RETREG3: variants seen among roughly 807,000 people sequenced by gnomAD.
RETREG3 encodes the protein reticulophagy regulator 3.
In RETREG3, 23 loss-of-function variants were observed where a neutral mutation model predicts 50.2. That is an observed-to-expected ratio of 0.46 (90% CI 0.33 to 0.65). The LOEUF is 0.65. Among genes scored for constraint, RETREG3 ranks in the 30% least tolerant of loss-of-function variants. RETREG3 has a pLI of 0.02. For missense variants in RETREG3, 546 were observed against 598.0 expected, an observed-to-expected ratio of 0.91 and a Z score of 0.91; for synonymous variants, 240 against 234.4, an observed-to-expected ratio of 1.02 and a Z score of -0.22.
At chr17:42,587,643 AG>A (rs1567921818) in intron 3 of RETREG3, 190 bp downstream of exon 3, 7 of 611,678 alleles carry the variant, frequency 1.1e-5, no homozygotes, top group Admixed American at 5.7e-5. Context: ...TCTCTTGTAA[AG>A]ATCAGAGGAC....
intron 1 of RETREG3, among the ~76,000 whole-genome samples, chr17:42,597,619 A>AT (rs869223820): frequency 1.4e-4 from 2 of 14,372 alleles, no homozygotes; most frequent in African/African-American, 7.2e-4. Context: ...ATATATATAT[A>AT]TTTTTTTTTT....
Position 42,609,344 on chromosome 17 carries a change from C to G in RETREG3, c.-20G>C, listed in dbSNP as rs375409743. ...AGCCATCTCCCCGCGGCAGCCACAA[C>G]ATCCGGGGCCGTGGCCCGACAAGTC... On this transcript the variant is annotated 5_prime_UTR_variant, in exon 1 of 9. The change abolishes an upstream ATG in the 5' untranslated region. Coordinates refer to ENST00000309428, the MANE Select transcript of RETREG3 (RefSeq NM_178126.4). 48 of 1,586,348 alleles carry G rather than the reference C, an allele frequency of 3.0e-5. No individual in the cohort carries two copies. The highest frequency in any genetic ancestry group is 2.2e-4 in the Admixed American group (13 of 58,012).
Position 42,592,452 on chromosome 17 carries a change from G to A in RETREG3, c.240-290C>T, listed in dbSNP as rs149370081. ...CAGTCTATATCTCTATTAATTTCAC[G>A]GAGAAATTCATCCTTGATAACAAGT... On this transcript the variant is annotated intron_variant, in intron 1 of 8. Transcript: ENST00000309428. Among the ~76,000 whole-genome samples the A allele has an allele frequency of 8.8e-3, 1,337 of 152,252 alleles. 10 individuals carry two copies. The highest frequency in any genetic ancestry group is 0.013 in the Non-Finnish European group (874 of 68,016).
At chr17:42,591,014 T>C (rs1225187497) in intron 2 of RETREG3, among the ~76,000 whole-genome samples, 1 of 152,150 alleles carries the variant, frequency 6.6e-6, no homozygotes, top group East Asian at 1.9e-4. Flanking sequence ...AATCCCAACA[T>C]ACTTTCAGTT....
chr17:42,605,677 C>T (rs2093166578), intron 1 of RETREG3, among the ~76,000 whole-genome samples: 1 of 152,106 alleles, frequency 6.6e-6, no homozygotes, highest in African/African-American at 2.4e-5. Context: ...ATGGCATACC[C>T]AACTGTTCTT....
rs1048680606 is a variant in RETREG3, at chr17:42,581,384, A to G, written c.*429T>C. On this transcript the variant is annotated 3_prime_UTR_variant, in exon 9 of 9. Transcript: ENST00000309428. ...CTGTCTCAAAAAAAAAGATGATGAC[A>G]ATGTAACTACTCCAGCTGCTGCCTG... 3.7e-5 allele frequency: 6 copies of G among 160,428 alleles called. No individual in the cohort carries two copies. The highest frequency in any genetic ancestry group is 1.2e-4 in the African/African-American group (5 of 41,538). The allele number at this position is 160,428 out of a possible 1,614,324, so 9.9% of individuals were successfully genotyped here.
At chr17:42,593,748 T>A (rs2093138003) in intron 1 of RETREG3, among the ~76,000 whole-genome samples, 2 of 152,086 alleles carry the variant, frequency 1.3e-5, no homozygotes, top group Non-Finnish European at 2.9e-5. Flanking sequence ...ATGCTAAGTG[T>A]TAAGGTAGTT....
intron 1 of RETREG3, chr17:42,598,757 T>C (rs995189200): frequency 4.6e-5 from 7 of 152,292 alleles, no homozygotes; most frequent in African/African-American, 7.2e-5. Context: ...AGAGTAAAGT[T>C]TGTGTCTTAT....
chr17:42,608,894 G>A (rs1283663301), intron 1 of RETREG3, 192 bp downstream of exon 1: 1 of 597,574 alleles, frequency 1.7e-6, no homozygotes, highest in Non-Finnish European at 2.9e-6. Context: ...AGAGAAGATG[G>A]GTGGACGGCC....
At chr17:42,597,575 T>G (rs1436188809) in intron 1 of RETREG3, among the ~76,000 whole-genome samples, 2 of 95,284 alleles carry the variant, frequency 2.1e-5, no homozygotes, top group African/African-American at 4.5e-5. Flanking sequence ...TATATATATT[T>G]TGTGTGTATA....
In RETREG3 at chr17:42,597,619, ATTTTTTTTTTT is replaced by A. The variant is rs869223820; in HGVS notation, c.240-5468_240-5458del. 2.1e-4 allele frequency among the ~76,000 whole-genome samples: 3 copies of A among 14,366 alleles called. No individual in the cohort carries two copies. In the South Asian group the frequency reaches 9.4e-3, roughly 45 times the overall value. The allele number at this position is 14,366 out of a possible 152,430, so 9.4% of individuals were successfully genotyped here. A position where few individuals can be genotyped will look rare whatever the true frequency, so the allele number is the denominator to read the frequency against. On this transcript the variant is annotated intron_variant, in intron 1 of 8. Transcript: ENST00000309428. ...TATATATATATATATATATATATAT[ATTTTTTTTTTT>A]TTTTTTTTTTTTTTTTTGAGACAGA... is the stretch of plus-strand genomic sequence containing the variant.
In RETREG3 at chr17:42,582,134, A is replaced by C; in HGVS notation, c.1080T>G (p.Ser360=). Residue 360 remains serine, a synonymous_variant, in exon 9 of 9, where the codon TCT becomes TCG. Transcript: ENST00000309428. ...SIGMPSLMYR[S]PPGAEEPQAP... ...CCTGGGGCTCCTCAGCCCCTGGCGGAGAACGGTACATCAAGCTGGGCATGC... is the reference window on the plus strand; with the variant it reads ...CCTGGGGCTCCTCAGCCCCTGGCGGCGAACGGTACATCAAGCTGGGCATGC... 1 of 1,614,108 alleles carries C rather than the reference A, an allele frequency of 6.2e-7. No individual in the cohort carries two copies. Among genetic ancestry groups the C allele is most frequent in the Non-Finnish European group, 8.5e-7 (1 of 1,180,008 alleles).
rs752394830 is a variant in RETREG3 at position 42,583,578 on chromosome 17, G to A, written c.730C>T (p.Arg244Cys). The change falls in exon 7 of 9, where the codon CGC (arginine) becomes TGC (cysteine). Residue 244 changes from arginine (R) to cysteine (C), a missense_variant and splice_region_variant. Arg to Cys is a radical substitution (Grantham distance 180). Coordinates refer to ENST00000309428, the MANE Select transcript of RETREG3 (RefSeq NM_178126.4). ...MMSKQRERQL[R>C]RRALHPERAM... Reference sequence around the variant, plus strand: ...CGTTCTGGGTGGAGAGCTCTGCGGCGTACTGTGGGAAGAGCACAAAGTCTT... The same window carrying A: ...CGTTCTGGGTGGAGAGCTCTGCGGCATACTGTGGGAAGAGCACAAAGTCTT... 7 of 1,612,866 alleles carry A rather than the reference G, an allele frequency of 4.3e-6. No individual in the cohort carries two copies. The highest frequency in any genetic ancestry group is 1.3e-5 in the African/African-American group (1 of 74,858).
In RETREG3 at chr17:42,585,158, C is replaced by T; in HGVS notation, c.694G>A (p.Gly232Ser). Residue 232 changes from glycine (G) to serine (S), a missense_variant, in exon 6 of 9, where the codon GGC (glycine) becomes AGC (serine). Gly to Ser is a moderately conservative substitution (Grantham distance 56). Coordinates refer to ENST00000309428, the MANE Select transcript of RETREG3 (RefSeq NM_178126.4). Reference protein sequence around the residue: ...ALQRLDFSVRGYMMSKQRERQ... With the variant: ...ALQRLDFSVRSYMMSKQRERQ... ...TCTCTCTGCTTGGACATCATGTAGC[C>T]ACGGACACTGAAGTCTAGCCGCTGC... The T allele has an allele frequency of 6.2e-7, 1 of 1,613,662 alleles. No individual in the cohort carries two copies. The highest frequency in any genetic ancestry group is 8.5e-7 in the Non-Finnish European group (1 of 1,180,032).
chr17:42,593,316 T>C (rs1160950805), intron 1 of RETREG3, among the ~76,000 whole-genome samples: 2 of 151,982 alleles, frequency 1.3e-5, no homozygotes, highest in African/African-American at 4.8e-5. Context: ...ATCAATAAGG[T>C]AAAGGAAAAG....
chr17:42,594,963 CTTTTTTT>C lies in RETREG3; in HGVS notation c.240-2808_240-2802del, dbSNP rs777063995. On this transcript the variant is annotated intron_variant, in intron 1 of 8. Coordinates refer to ENST00000309428, the MANE Select transcript of RETREG3 (RefSeq NM_178126.4). ...TTTTGTTTGTAGATTTTTTTTTTTA[CTTTTTTT>C]TTTTTTTTTTTTTGAGACGGAGTTT... Among the ~76,000 whole-genome samples the C allele has an allele frequency of 3.3e-4, 41 of 125,236 alleles. No homozygotes were observed. The East Asian group carries it at 5.1e-3, about 15-fold the overall frequency. 82.2% of individuals were successfully genotyped at this position (125,236 alleles called of 152,430 possible).
At chr17:42,597,592 TATA>T (rs1567925355) in intron 1 of RETREG3, among the ~76,000 whole-genome samples, 13 of 70,034 alleles carry the variant, frequency 1.9e-4, no homozygotes, top group African/African-American at 4.9e-4. Context: ...TATATATATA[TATA>T]TATATATATA....
intron 1 of RETREG3, among the ~76,000 whole-genome samples, chr17:42,596,092 G>C (rs1011175444): frequency 2.0e-5 from 3 of 151,702 alleles, no homozygotes; most frequent in Non-Finnish European, 4.4e-5. Context: ...TTTTCAGCCG[G>C]GTGCAATGGC....
chr17:42,587,742 G>A, intron 3 of RETREG3, 92 bp downstream of exon 3: 1 of 1,477,266 alleles, frequency 6.8e-7, no homozygotes, highest in South Asian at 1.1e-5. Flanking sequence ...TTTACACTGT[G>A]TGTCCAGAAC....
Sources: gnomAD v4.1 joint callset for allele counts (sites outside exome capture counted in the v4.1 genomes callset) on GRCh38, gnomAD v4.1.1 for gene constraint, MANE v1.5 for transcripts, NCBI Gene and HGNC (gene_info 2026-07-23, HGNC 2026-07-21) for gene names.